Variants in GPI observed in about 807,000 individuals in gnomAD.
The protein encoded by GPI is glucose-6-phosphate isomerase, also known as D-hexose-6-phosphate anomerase.
GPI carries 56 observed loss-of-function variants against 75.8 expected under a neutral mutation model. The ratio of observed to expected loss-of-function variants is 0.74; its 90% CI spans 0.60 to 0.92. The LOEUF (loss-of-function observed/expected upper bound fraction) is 0.92, where lower values mean the gene tolerates loss of function less well. Ranked by LOEUF, GPI falls within the 40% of genes least tolerant of loss-of-function variation. GPI has a pLI of 0.00. For missense variants in GPI, 638 were observed against 741.0 expected, an observed-to-expected ratio of 0.86 and a Z score of 1.61; for synonymous variants, 288 against 285.4, an observed-to-expected ratio of 1.01 and a Z score of -0.09.
intron 4 of GPI, among the ~76,000 whole-genome samples, chr19:34,369,704 C>A (rs376380488): frequency 2.0e-4 from 29 of 142,572 alleles, no homozygotes; most frequent in South Asian, 2.3e-4. Context: ...GAGACTCTGT[C>A]AAAAAAAAAA....
At chr19:34,376,322 G>T (rs1176782835) in intron 4 of GPI, among the ~76,000 whole-genome samples, 1 of 152,172 alleles carries the variant, frequency 6.6e-6, no homozygotes, top group African/African-American at 2.4e-5. Context: ...TTGGGAGGCC[G>T]AGGCAGGTGG....
chr19:34,360,349 T>C (rs1484677722), upstream of GPI, among the ~76,000 whole-genome samples: 2 of 152,078 alleles, frequency 1.3e-5, no homozygotes, highest in East Asian at 3.8e-4. Flanking sequence ...TCCCAACAGT[T>C]TGGGAGGCTG....
Position 34,399,544 on chromosome 19 carries a change from T to G in GPI, c.1399-12T>G. ...GGACTCTCTTGGAGACATTCCTTGG[T>G]GTTTTCTGCAGGTCTTTGAAGGAAA... is the stretch of plus-strand genomic sequence containing the variant. On this transcript the variant is annotated splice_polypyrimidine_tract_variant and intron_variant, in intron 15 of 17. Transcript: ENST00000356487. The G allele has an allele frequency of 6.2e-7, 1 of 1,613,426 alleles. No homozygotes were observed. The highest frequency in any genetic ancestry group is 8.5e-7 in the Non-Finnish European group (1 of 1,179,324).
chr19:34,398,980 C>T, intron 14 of GPI: 1 of 415,072 alleles, frequency 2.4e-6, no homozygotes, highest in East Asian at 5.0e-5. Context: ...GTCGGGATTA[C>T]AGGCGTGAGC....
chr19:34,379,895 T>A (rs2074616315), intron 8 of GPI: 1 of 492,022 alleles, frequency 2.0e-6, no homozygotes, highest in Admixed American at 3.3e-5. Context: ...ACATGCTAGG[T>A]AGGGGTAGAG....
rs1056954197 is a variant in GPI at position 34,377,659 on chromosome 19, C to G, written c.486+73C>G. On this transcript the variant is annotated intron_variant, in intron 5 of 17. Coordinates refer to ENST00000356487, the MANE Select transcript of GPI (RefSeq NM_000175.5). ...GGTCCCACTCAGGTCTTTACTTTCTCCAGGGATGGGACCTGGCTGTCTCCA... is the reference window on the plus strand; with the variant it reads ...GGTCCCACTCAGGTCTTTACTTTCTGCAGGGATGGGACCTGGCTGTCTCCA... 5.0e-6 allele frequency: 8 copies of G among 1,589,522 alleles called. No individual in the cohort carries two copies. The African/African-American group carries it at 8.1e-5, about 16-fold the overall frequency.
upstream of GPI, chr19:34,365,148 C>G: frequency 8.1e-7 from 1 of 1,232,074 alleles, no homozygotes; most frequent in Non-Finnish European, 1.0e-6. Context: ...CGGGCCGGGC[C>G]GGGCCGGGCG....
chr19:34,365,563 C>A (rs1352188708), intron 1 of GPI, 175 bp downstream of exon 1: 1 of 1,092,664 alleles, frequency 9.2e-7, no homozygotes, highest in Non-Finnish European at 1.3e-6. Context: ...CCTTGGAGTG[C>A]GTTCCTGGGG....
chr19:34,389,900 C>T (rs2074796549), intron 9 of GPI, among the ~76,000 whole-genome samples: 1 of 152,216 alleles, frequency 6.6e-6, no homozygotes, highest in South Asian at 2.1e-4. Context: ...GTGGGAGGTG[C>T]TCCATAAACA....
In GPI at chr19:34,400,566, C is replaced by T. The variant is rs1568352988; in HGVS notation, c.*530C>T. 5 of 444,478 alleles carry T rather than the reference C, an allele frequency of 1.1e-5. No homozygotes were observed. Among genetic ancestry groups the T allele is most frequent in the Non-Finnish European group, 2.0e-5 (5 of 253,206 alleles). 27.5% of individuals were successfully genotyped at this position (444,478 alleles called of 1,614,324 possible). A position where few individuals can be genotyped will look rare whatever the true frequency, so the allele number is the denominator to read the frequency against. On this transcript the variant is annotated 3_prime_UTR_variant, in exon 18 of 18. Transcript: ENST00000356487. Reference sequence around the variant, plus strand: ...CCCAAGACTGTTTTCCACTCCTCACCTCTGTGACTGCAGAAATTGGATACT... The same window carrying T: ...CCCAAGACTGTTTTCCACTCCTCACTTCTGTGACTGCAGAAATTGGATACT...
intron 4 of GPI, among the ~76,000 whole-genome samples, chr19:34,373,013 C>G (rs540155581): frequency 6.6e-6 from 1 of 151,974 alleles, no homozygotes; most frequent in South Asian, 2.1e-4. Context: ...ACTTCATAAT[C>G]TGTCCACCTC....
At chr19:34,378,004 G>A in intron 6 of GPI, 123 bp downstream of exon 6, 2 of 968,498 alleles carry the variant, frequency 2.1e-6, no homozygotes, top group Non-Finnish European at 3.3e-6. Context: ...ACCATGGTTT[G>A]TGGATCAGGT....
chr19:34,373,851 G>A (rs1226826406), intron 4 of GPI, among the ~76,000 whole-genome samples: 8 of 152,330 alleles, frequency 5.3e-5, no homozygotes, highest in South Asian at 4.1e-4. Flanking sequence ...CAGACAGTTC[G>A]AGTGTCCTCA....
intron 14 of GPI, 122 bp from the exon 15 acceptor site, chr19:34,399,085 T>G: frequency 1.0e-4 from 85 of 820,676 alleles, no homozygotes; most frequent in Non-Finnish European, 1.5e-4. Context: ...TCGCTCCAAC[T>G]GAGCTGTACA....
At chr19:34,378,191 C>T (rs1378874567) in intron 6 of GPI, among the ~76,000 whole-genome samples, 1 of 150,984 alleles carries the variant, frequency 6.6e-6, no homozygotes, top group Non-Finnish European at 1.5e-5. Flanking sequence ...TATGCCTGCT[C>T]CTTTTCTTGT....
chr19:34,385,025 C>T (rs2145387858), intron 9 of GPI, among the ~76,000 whole-genome samples: 1 of 134,300 alleles, frequency 7.4e-6, no homozygotes, highest in African/African-American at 2.9e-5. Flanking sequence ...GACAGTGAGA[C>T]TATCTCCAAA....
In GPI at chr19:34,393,197, G is replaced by C; in HGVS notation, c.805-51G>C. On this transcript the variant is annotated intron_variant, in intron 9 of 17. Transcript: ENST00000356487. The surrounding 1 kb of genome is among the most constrained non-coding windows in gnomAD (Gnocchi z 4.4). Reference sequence around the variant, plus strand: ...GGGACAGGGTTTCCGGCAGGAGGTGGGGGGCGGGGTGTGCCGGCCCTCCCT... The same window carrying C: ...GGGACAGGGTTTCCGGCAGGAGGTGCGGGGCGGGGTGTGCCGGCCCTCCCT... 1.4e-6 allele frequency: 2 copies of C among 1,393,274 alleles called. No homozygotes were observed. The highest frequency in any genetic ancestry group is 2.0e-6 in the Non-Finnish European group (2 of 978,830). The allele number at this position is 1,393,274 out of a possible 1,614,324, so 86.3% of individuals were successfully genotyped here. A position where few individuals can be genotyped will look rare whatever the true frequency, so the allele number is the denominator to read the frequency against.
At chr19:34,376,519 G>A (rs984100315) in intron 4 of GPI, among the ~76,000 whole-genome samples, 5 of 150,758 alleles carry the variant, frequency 3.3e-5, no homozygotes, top group African/African-American at 7.3e-5. Flanking sequence ...AGCTGAGATC[G>A]TGCCGTTGTA....
intron 9 of GPI, among the ~76,000 whole-genome samples, chr19:34,381,789 C>G (rs146288055): frequency 6.6e-6 from 1 of 152,096 alleles, no homozygotes; most frequent in Non-Finnish European, 1.5e-5. Flanking sequence ...TGGGGTAACC[C>G]GAGTCCCCCT....
Sources: gnomAD v4.1 joint callset for allele counts (sites outside exome capture counted in the v4.1 genomes callset) on GRCh38, gnomAD v4.1.1 for gene constraint, Gnocchi (gnomAD v3.1) non-coding constraint, MANE v1.5 for transcripts, NCBI Gene and HGNC (gene_info 2026-07-23, HGNC 2026-07-21) for gene names.